CSMD1: variants seen among roughly 807,000 people sequenced by gnomAD.
The protein encoded by CSMD1 is CUB and Sushi multiple domains 1, also known as CUB and sushi domain-containing protein 1.
In CSMD1, 213 loss-of-function variants were observed where a neutral mutation model predicts 417.5. The observed-to-expected ratio is 0.51, with a 90% CI of 0.46 to 0.57. The LOEUF is 0.57. CSMD1 is among the 20% of genes least tolerant of loss of function. The probability of loss-of-function intolerance (pLI) is 0.00; values close to 1 mark genes in which losing one functional copy is unlikely to be tolerated. For missense variants in CSMD1, 6,923 were observed against 4,529.7 expected (o/e 1.53, Z -15.17); for synonymous variants, 2,862 against 1,736.8 (o/e 1.65, Z -16.11).
At chr8:4,201,590 T>C (rs1382382426) in intron 3 of CSMD1, among the ~76,000 whole-genome samples, 3 of 141,130 alleles carry the variant, frequency 2.1e-5, no homozygotes, top group Non-Finnish European at 4.6e-5. Flanking sequence ...GAAAACGATA[T>C]GCAACAACTG....
chr8:3,293,765 G>A (rs1219511481), intron 25 of CSMD1, among the ~76,000 whole-genome samples: 3 of 152,066 alleles, frequency 2.0e-5, no homozygotes, highest in Non-Finnish European at 4.4e-5. Context: ...TCTTTGCCAT[G>A]GGTTCAAACT....
At position 3,188,889 on chromosome 8, in the gene CSMD1, G is replaced by A; in HGVS notation, c.5521C>T (p.Gln1841Ter). ...KIIVTEGSGI[Q>*]IQVISFATEQ... Reference sequence around the variant, plus strand: ...GACTGTGGACTTCAAGGACTCACCTGAATTCCCGAGCCCTCCGTAACTATG... The same window carrying A: ...GACTGTGGACTTCAAGGACTCACCTAAATTCCCGAGCCCTCCGTAACTATG... The change falls in exon 35 of 70, where the codon CAG (glutamine) becomes TAG (stop). Residue 1841 changes from glutamine to a stop codon, truncating the protein, a stop_gained and splice_region_variant. Coordinates refer to ENST00000635120, the MANE Select transcript of CSMD1 (RefSeq NM_033225.6). LOFTEE classifies it high-confidence loss of function. 6.4e-7 allele frequency: 1 copy of A among 1,562,562 alleles called. No individual in the cohort carries two copies. Among genetic ancestry groups the A allele is most frequent in the South Asian group, 1.2e-5 (1 of 84,316 alleles).
intron 2 of CSMD1, among the ~76,000 whole-genome samples, chr8:4,505,575 T>G (rs569350730): frequency 2.0e-5 from 3 of 152,196 alleles, no homozygotes; most frequent in Non-Finnish European, 4.4e-5. Flanking sequence ...TTGGAATGGA[T>G]TTCTTACTTA....
chr8:4,402,802 TTTTTTTTTTTTTTTTTTTC>T (rs1239737613), intron 3 of CSMD1, among the ~76,000 whole-genome samples: 1,423 of 51,450 alleles, frequency 0.028, 35 homozygotes, highest in Admixed American at 0.14. Flanking sequence ...ACTTTTTTCT[TTTTTTTTTTTTTTTTTTTC>T]TTTTTTTTTT....
intron 3 of CSMD1, among the ~76,000 whole-genome samples, chr8:4,317,779 C>G (rs1322783053): frequency 6.6e-6 from 1 of 152,216 alleles, no homozygotes; most frequent in East Asian, 1.9e-4. Context: ...CAGAAGTTTT[C>G]TTTTATATAG....
intron 1 of CSMD1, among the ~76,000 whole-genome samples, chr8:4,835,700 G>C (rs144662654): frequency 6.6e-6 from 1 of 152,024 alleles, no homozygotes. Context: ...AATGATTGTG[G>C]TCAGTATATT....
intron 3 of CSMD1, among the ~76,000 whole-genome samples, chr8:4,341,286 T>G (rs1800461620): frequency 6.6e-6 from 1 of 152,134 alleles, no homozygotes; most frequent in Non-Finnish European, 1.5e-5. Flanking sequence ...TGGGCATATT[T>G]CAGGCTCAAA....
intron 7 of CSMD1, among the ~76,000 whole-genome samples, chr8:3,708,190 G>C (rs1801287152): frequency 1.3e-5 from 2 of 152,294 alleles, no homozygotes; most frequent in African/African-American, 2.4e-5. Flanking sequence ...ACAGTGATCA[G>C]GGCAGACGTG....
At chr8:3,854,730 G>T (rs949031954) in intron 5 of CSMD1, among the ~76,000 whole-genome samples, 21 of 144,718 alleles carry the variant, frequency 1.5e-4, no homozygotes, top group African/African-American at 4.5e-4. Flanking sequence ...ATGAGTAAGA[G>T]AAACTCCAGA....
intron 5 of CSMD1, among the ~76,000 whole-genome samples, chr8:3,774,999 C>A: frequency 6.6e-6 from 1 of 152,036 alleles, no homozygotes; most frequent in South Asian, 2.1e-4. Context: ...GATTCCCACT[C>A]CCGGCAGGAC....
intron 17 of CSMD1, among the ~76,000 whole-genome samples, chr8:3,395,004 C>A (rs574832522): frequency 6.6e-6 from 1 of 151,716 alleles, no homozygotes; most frequent in Non-Finnish European, 1.5e-5. Flanking sequence ...TATGTAAAAC[C>A]GAGGAATGCA....
intron 16 of CSMD1, among the ~76,000 whole-genome samples, chr8:3,398,497 G>C (rs1811835773): frequency 6.6e-6 from 1 of 152,110 alleles, no homozygotes; most frequent in Non-Finnish European, 1.5e-5. Context: ...CCTTTCCTGT[G>C]TTGATGTTAG....
At chr8:4,144,407 C>T (rs148517676) in intron 3 of CSMD1, among the ~76,000 whole-genome samples, 1 of 151,134 alleles carries the variant, frequency 6.6e-6, no homozygotes, top group Non-Finnish European at 1.5e-5. Context: ...TCTGTTTTGC[C>T]AGGAAAAATC....
chr8:3,151,848 A>T (rs1229274653), intron 39 of CSMD1, among the ~76,000 whole-genome samples: 1 of 152,224 alleles, frequency 6.6e-6, no homozygotes, highest in Non-Finnish European at 1.5e-5. Flanking sequence ...ACTCATTGAG[A>T]GGTAGTATTA....
At chr8:2,946,746 A>G (rs1435002555) in intron 68 of CSMD1, among the ~76,000 whole-genome samples, 1 of 152,204 alleles carries the variant, frequency 6.6e-6, no homozygotes, top group African/African-American at 2.4e-5. Flanking sequence ...TCTTTTGGCT[A>G]CCCATGTAGG....
intron 2 of CSMD1, among the ~76,000 whole-genome samples, chr8:4,423,992 A>T (rs1030575672): frequency 6.6e-6 from 1 of 152,060 alleles, no homozygotes. Context: ...ATGATGGATC[A>T]ATTGGATGTC....
chr8:3,995,756 C>G (rs969090560), intron 5 of CSMD1, among the ~76,000 whole-genome samples: 23 of 152,166 alleles, frequency 1.5e-4, no homozygotes, highest in Non-Finnish European at 3.1e-4. Flanking sequence ...TAAGTCATCC[C>G]AAGAATACAA....
intron 20 of CSMD1, among the ~76,000 whole-genome samples, chr8:3,360,034 G>A (rs909924010): frequency 5.3e-5 from 8 of 152,190 alleles, no homozygotes; most frequent in South Asian, 2.1e-4. Flanking sequence ...GGTAACTAAC[G>A]CATGAAGCAT....
At chr8:4,615,210 A>G (rs577021710) in intron 2 of CSMD1, among the ~76,000 whole-genome samples, 2 of 152,196 alleles carry the variant, frequency 1.3e-5, no homozygotes, top group African/African-American at 4.8e-5. Flanking sequence ...AAACAGAAGG[A>G]AATACGTGTG....
Sources: gnomAD v4.1 joint callset for allele counts (sites outside exome capture counted in the v4.1 genomes callset) on GRCh38, gnomAD v4.1.1 for gene constraint, MANE v1.5 for transcripts, NCBI Gene and HGNC (gene_info 2026-07-23, HGNC 2026-07-21) for gene names.